Variants in TBCD observed in about 807,000 individuals in gnomAD.
TBCD encodes the protein tubulin-specific chaperone D.
In TBCD, 105 loss-of-function variants were observed where a neutral mutation model predicts 169.3. That is an observed-to-expected ratio of 0.62 (90% confidence interval 0.53 to 0.73). The LOEUF is 0.73. TBCD is among the 30% of genes least tolerant of loss of function. The pLI is 0.00. For synonymous variants in TBCD, 700 were observed against 643.9 expected, an observed-to-expected ratio of 1.09 and a Z score of -1.32; for missense variants, 1,444 against 1,600.1, an observed-to-expected ratio of 0.90 and a Z score of 1.66.
chr17:82,814,987 C>T, intron 13 of TBCD, 53 bp downstream of exon 13: 2 of 1,601,884 alleles, frequency 1.2e-6, no homozygotes, highest in African/African-American at 1.3e-5. Flanking sequence ...CGGAGCTGGG[C>T]AGGAGAGGCC....
At chr17:82,901,348 GC>G (rs2059879369) in intron 18 of TBCD, among the ~76,000 whole-genome samples, 1 of 152,236 alleles carries the variant, frequency 6.6e-6, no homozygotes, top group Non-Finnish European at 1.5e-5. Flanking sequence ...AGCGGTAGGT[GC>G]CTGTGGGTGG....
At chr17:82,825,574 G>A (rs2145133918) in intron 13 of TBCD, among the ~76,000 whole-genome samples, 1 of 152,148 alleles carries the variant, frequency 6.6e-6, no homozygotes, top group Non-Finnish European at 1.5e-5. Flanking sequence ...CAGGGCTGGG[G>A]GACCTGCTGG....
intron 13 of TBCD, among the ~76,000 whole-genome samples, chr17:82,858,166 A>C (rs1314628544): frequency 6.6e-6 from 1 of 152,138 alleles, no homozygotes; most frequent in Non-Finnish European, 1.5e-5. Flanking sequence ...CTCCCGCCTC[A>C]GCCTCCCTAA....
At position 82,922,041 on chromosome 17, in the gene TBCD, G is replaced by A. The variant is rs1452149186; in HGVS notation, c.2178+464G>A. Among the ~76,000 whole-genome samples the A allele has an allele frequency of 1.3e-5, 2 of 152,032 alleles. No individual in the cohort carries two copies. Among genetic ancestry groups the A allele is most frequent in the East Asian group, 1.9e-4 (1 of 5,176 alleles). ...CCCCGGCCACCTGCCCTCCCCTCCC[G>A]TCCTGGGGGTTACAGGTGGACTTTG... On this transcript the variant is annotated intron_variant, in intron 25 of 38. Transcript: ENST00000355528. The surrounding 1 kb of genome is among the most constrained non-coding windows in gnomAD (Gnocchi z 4.1).
chr17:82,780,385 T>C (rs2048868014), intron 6 of TBCD, among the ~76,000 whole-genome samples: 1 of 152,090 alleles, frequency 6.6e-6, no homozygotes, highest in Non-Finnish European at 1.5e-5. Context: ...TTGTCTGTTC[T>C]CCGTGTGGCA....
intron 14 of TBCD, among the ~76,000 whole-genome samples, chr17:82,872,249 G>A (rs2057625513): frequency 6.6e-6 from 1 of 152,234 alleles, no homozygotes; most frequent in Non-Finnish European, 1.5e-5. Context: ...GGAGAACAGC[G>A]CGGCTGGAGG....
At position 82,874,086 on chromosome 17, in the gene TBCD, G is replaced by A. The variant is rs540112012; in HGVS notation, c.1475+3706G>A. On this transcript the variant is annotated intron_variant, in intron 14 of 38. Transcript: ENST00000355528. This position sits in a 1 kb window ranked among gnomAD's most constrained non-coding sequence, Gnocchi z 5.0. ...GCATGGTCGTGGTCTGCCCAGCTGG[G>A]TGTGGGGTTGAGCCCATCATGCTGT... Among the ~76,000 whole-genome samples, 48 of 152,224 alleles carry A rather than the reference G, an allele frequency of 3.2e-4. No individual in the cohort carries two copies. Among genetic ancestry groups the A allele is most frequent in the Non-Finnish European group, 6.2e-4 (42 of 68,034 alleles).
rs141969015 is a variant in TBCD at position 82,833,948 on chromosome 17, G to GT, written c.1318+19019dup. 0.12 allele frequency among the ~76,000 whole-genome samples: 18,040 copies of GT among 148,046 alleles called. 1,428 individuals are homozygous for GT. The highest frequency in any genetic ancestry group is 0.33 in the South Asian group (1,535 of 4,612). On this transcript the variant is annotated intron_variant, in intron 13 of 38. Coordinates refer to ENST00000355528, the MANE Select transcript of TBCD (RefSeq NM_005993.5). This position sits in a 1 kb window ranked among gnomAD's most constrained non-coding sequence, Gnocchi z 4.7. ...ACGCCCAAGGCTGAGAACAAAGGCT[G>GT]TTTTTCTTTTTTTGAGACAGAGTTT...
At chr17:82,932,946 G>A (rs951086473) in intron 34 of TBCD, 6 of 579,692 alleles carry the variant, frequency 1.0e-5, no homozygotes, top group African/African-American at 1.9e-5. Context: ...TATTATGACT[G>A]TAAGTGCAGT....
At chr17:82,801,770 C>A (rs2050571641) in intron 9 of TBCD, among the ~76,000 whole-genome samples, 1 of 131,972 alleles carries the variant, frequency 7.6e-6, no homozygotes, top group African/African-American at 3.0e-5. Flanking sequence ...GTCAGCGTGG[C>A]AGGAGGGCGG....
chr17:82,921,480 G>C (rs752049148), intron 24 of TBCD, 21 bp from the exon 25 acceptor site: 2 of 1,610,942 alleles, frequency 1.2e-6, no homozygotes, highest in Non-Finnish European at 1.7e-6. Context: ...GCCTGGGTAC[G>C]CTAACTTGAT....
At chr17:82,859,599 T>C (rs1355904438) in intron 13 of TBCD, 7 of 985,320 alleles carry the variant, frequency 7.1e-6, no homozygotes, top group Non-Finnish European at 2.4e-6. Flanking sequence ...CACTGCAGAC[T>C]CCAAGTGTGA....
At chr17:82,825,618 C>T (rs2052773772) in intron 13 of TBCD, among the ~76,000 whole-genome samples, 1 of 152,214 alleles carries the variant, frequency 6.6e-6, no homozygotes. Flanking sequence ...CAGCTTGAAG[C>T]AGTGTCCTCA....
chr17:82,923,817 C>T lies in TBCD; in HGVS notation c.2260+84C>T, dbSNP rs889717391. The T allele has an allele frequency of 1.8e-5, 22 of 1,191,140 alleles. No homozygotes were observed. The highest frequency in any genetic ancestry group is 2.6e-5 in the Non-Finnish European group (22 of 842,254). The allele number at this position is 1,191,140 out of a possible 1,614,324, so 73.8% of individuals were successfully genotyped here. A position where few individuals can be genotyped will look rare whatever the true frequency, so the allele number is the denominator to read the frequency against. On this transcript the variant is annotated intron_variant, in intron 26 of 38. Transcript: ENST00000355528. The surrounding 1 kb of genome is among the most constrained non-coding windows in gnomAD (Gnocchi z 4.6). The stretch of plus-strand genomic sequence containing the variant: ...GAGTGTCTGGGCACGGAGGAGGCCT[C>T]GGTTGTGCAGTGGAGCAGAGCCACC...
rs1165899540 is a variant in TBCD at position 82,832,981 on chromosome 17, T to C, written c.1318+18047T>C. On this transcript the variant is annotated intron_variant, in intron 13 of 38. Transcript: ENST00000355528. This position sits in a 1 kb window ranked among gnomAD's most constrained non-coding sequence, Gnocchi z 4.9. Reference sequence around the variant, plus strand: ...ACTTTCATCCTGTGACCTGGACCTTTCCTCGAAAGCGCCCTGCCGGGGGCT... The same window carrying C: ...ACTTTCATCCTGTGACCTGGACCTTCCCTCGAAAGCGCCCTGCCGGGGGCT... Among the ~76,000 whole-genome samples, 2 of 152,158 alleles carry C rather than the reference T, an allele frequency of 1.3e-5. No homozygotes were observed. The highest frequency in any genetic ancestry group is 2.9e-5 in the Non-Finnish European group (2 of 68,020).
chr17:82,800,940 G>A lies in TBCD; in HGVS notation c.894G>A (p.Val298=). 1.2e-6 allele frequency: 2 copies of A among 1,612,016 alleles called. No individual in the cohort carries two copies. The highest frequency in any genetic ancestry group is 1.7e-6 in the Non-Finnish European group (2 of 1,179,230). ...AGACCCTGCTGCGGAAGCTGGGGGT[G>A]AAGCTTGTGCAGCGACTGGGGCTGA... is the stretch of plus-strand genomic sequence containing the variant. ...SNQTLLRKLG[V]KLVQRLGLTF... The change falls in exon 9 of 39, where the codon GTG becomes GTA. Residue 298 remains valine (V), a synonymous_variant. Transcript: ENST00000355528.
chr17:82,850,036 TTGTTG>T (rs2055563656), intron 13 of TBCD, among the ~76,000 whole-genome samples: 5 of 20,892 alleles, frequency 2.4e-4, no homozygotes, highest in Admixed American at 5.3e-4. Context: ...GGCTGTGCTG[TTGTTG>T]GCTGTGCTGT....
chr17:82,938,144 C>T lies in TBCD; in HGVS notation c.3369+8C>T. The T allele has an allele frequency of 6.2e-7, 1 of 1,610,694 alleles. No individual in the cohort carries two copies. Among genetic ancestry groups the T allele is most frequent in the Non-Finnish European group, 8.5e-7 (1 of 1,179,384 alleles). On this transcript the variant is annotated splice_region_variant and intron_variant, in intron 36 of 38. Transcript: ENST00000355528. ...TGCCACCGTTTCCCGCTGGTGAGTG[C>T]CTGCCCCTGCTCACGTGTGTTTGCC...
At chr17:82,769,769 CAA>C in intron 5 of TBCD, among the ~76,000 whole-genome samples, 1 of 151,070 alleles carries the variant, frequency 6.6e-6, no homozygotes, top group Admixed American at 6.6e-5. Flanking sequence ...CCCAGCTACT[CAA>C]GAGGCTGAGG....
Sources: gnomAD v4.1 joint callset for allele counts (sites outside exome capture counted in the v4.1 genomes callset) on GRCh38, gnomAD v4.1.1 for gene constraint, Gnocchi (gnomAD v3.1) non-coding constraint, MANE v1.5 for transcripts, NCBI Gene and HGNC (gene_info 2026-07-23, HGNC 2026-07-21) for gene names.